Variants in GTF2F2 observed in about 807,000 individuals in gnomAD.
GTF2F2 encodes the protein general transcription factor IIF subunit 2.
A neutral mutation model predicts 42.2 loss-of-function variants in GTF2F2; 23 were observed. The ratio of observed to expected loss-of-function variants is 0.55; its 90% CI spans 0.39 to 0.77. The LOEUF (loss-of-function observed/expected upper bound fraction) is 0.77. Among genes scored for constraint, GTF2F2 ranks in the 30% least tolerant of loss-of-function variants. GTF2F2 has a pLI of 0.00. For missense variants in GTF2F2, 261 were observed against 287.2 expected, an observed-to-expected ratio of 0.91 and a Z score of 0.66; for synonymous variants, 105 against 100.8, an observed-to-expected ratio of 1.04 and a Z score of -0.25.
intron 7 of GTF2F2, among the ~76,000 whole-genome samples, chr13:45,282,073 C>T (rs1464973175): frequency 3.3e-5 from 5 of 151,968 alleles, no homozygotes; most frequent in African/African-American, 7.3e-5. Flanking sequence ...TGGTGGCATG[C>T]GCCTGTAATC....
In GTF2F2 at chr13:45,146,628, G is replaced by A. The variant is rs564320569; in HGVS notation, c.141-3142G>A. On this transcript the variant is annotated intron_variant, in intron 2 of 7. Coordinates refer to ENST00000340473, the MANE Select transcript of GTF2F2 (RefSeq NM_004128.3). ...GCCCCATTGGTACCAAATCCAAGAA[G>A]TATTTTAAAAGTGTAAGAAAAAGGA... 1.4e-4 allele frequency among the ~76,000 whole-genome samples: 22 copies of A among 152,236 alleles called. 1 individual carries two copies. The highest frequency in any genetic ancestry group is 4.6e-4 in the African/African-American group (19 of 41,534).
chr13:45,283,107 T>C (rs937380103), intron 7 of GTF2F2, among the ~76,000 whole-genome samples: 1 of 152,218 alleles, frequency 6.6e-6, no homozygotes, highest in Non-Finnish European at 1.5e-5. Context: ...ACCCTTGGTG[T>C]ACCGTGTCAC....
chr13:45,194,334 G>A lies in GTF2F2; in HGVS notation c.305-13090G>A, dbSNP rs1251102803. ...TGAAGAGGAGACCATCCCTGTCTAT[G>A]AAATAATGACCATCAGCATCAAACG... On this transcript the variant is annotated intron_variant, in intron 4 of 7. Transcript: ENST00000340473. 6.8e-6 allele frequency: 11 copies of A among 1,614,132 alleles called. No individual in the cohort carries two copies. In the East Asian group the frequency reaches 1.6e-4, roughly 23 times the overall value.
At chr13:45,204,506 CA>C (rs1487644637) in intron 4 of GTF2F2, among the ~76,000 whole-genome samples, 3 of 152,214 alleles carry the variant, frequency 2.0e-5, no homozygotes. Context: ...CTATAATTAA[CA>C]GCAGTAATGT....
At chr13:45,228,283 C>CTTTTTTTTTTT (rs372901327) in intron 5 of GTF2F2, among the ~76,000 whole-genome samples, 5,584 of 91,974 alleles carry the variant, frequency 0.061, 995 homozygotes, top group African/African-American at 0.25. Flanking sequence ...CAGAGTTAAT[C>CTTTTTTTTTTT]TTTTTTTTTT....
Position 45,120,613 on chromosome 13 carries a change from G to T in GTF2F2, c.-43G>T. The stretch of plus-strand genomic sequence containing the variant: ...CCGCTCCTCAGCCCTGCGGCTCCTG[G>T]GGTCGCTGCTGCATCCCGCACGCCT... On this transcript the variant is annotated 5_prime_UTR_variant, in exon 1 of 8. Transcript: ENST00000340473. The T allele has an allele frequency of 6.8e-7, 1 of 1,480,036 alleles. No homozygotes were observed. Among genetic ancestry groups the T allele is most frequent in the Non-Finnish European group, 9.2e-7 (1 of 1,082,898 alleles). 91.7% of individuals were successfully genotyped at this position (1,480,036 alleles called of 1,614,324 possible). A position where few individuals can be genotyped will look rare whatever the true frequency, so the allele number is the denominator to read the frequency against.
chr13:45,279,191 G>A (rs1160821277), intron 7 of GTF2F2, among the ~76,000 whole-genome samples: 2 of 152,148 alleles, frequency 1.3e-5, no homozygotes, highest in African/African-American at 4.8e-5. Flanking sequence ...GAGGAAGACT[G>A]AGTGTCTACC....
intron 6 of GTF2F2, among the ~76,000 whole-genome samples, chr13:45,254,461 A>G (rs535161170): frequency 1.3e-5 from 2 of 152,318 alleles, no homozygotes; most frequent in South Asian, 2.1e-4. Flanking sequence ...TTTATTGCAT[A>G]CATATTATGT....
At chr13:45,218,921 A>T (rs1873997077) in intron 5 of GTF2F2, among the ~76,000 whole-genome samples, 1 of 152,178 alleles carries the variant, frequency 6.6e-6, no homozygotes, top group African/African-American at 2.4e-5. Flanking sequence ...CTTGCTTGAG[A>T]CTGTAATGCA....
At chr13:45,233,501 A>G (rs374100035) in intron 5 of GTF2F2, among the ~76,000 whole-genome samples, 12 of 152,210 alleles carry the variant, frequency 7.9e-5, no homozygotes, top group African/African-American at 1.7e-4. Flanking sequence ...TCGGTTGCCA[A>G]TTGAGCATAT....
intron 5 of GTF2F2, among the ~76,000 whole-genome samples, chr13:45,245,359 T>C (rs1762743111): frequency 6.6e-6 from 1 of 151,962 alleles, no homozygotes; most frequent in Admixed American, 6.6e-5. Context: ...ATGTATAATT[T>C]CTTCAGTGGT....
chr13:45,220,526 T>C (rs997935220), intron 5 of GTF2F2, among the ~76,000 whole-genome samples: 2 of 151,990 alleles, frequency 1.3e-5, no homozygotes, highest in African/African-American at 2.4e-5. Context: ...CATATAAGTA[T>C]CAGTAGACTT....
chr13:45,161,209 T>G (rs1022885949), intron 4 of GTF2F2, among the ~76,000 whole-genome samples: 3 of 152,194 alleles, frequency 2.0e-5, no homozygotes, highest in Non-Finnish European at 2.9e-5. Flanking sequence ...TTTGTGGTGG[T>G]ACCAGTAGCC....
At chr13:45,252,216 C>T (rs796447611) in intron 5 of GTF2F2, among the ~76,000 whole-genome samples, 5 of 152,308 alleles carry the variant, frequency 3.3e-5, no homozygotes, top group African/African-American at 9.6e-5. Flanking sequence ...AGTCACAGCT[C>T]ACTGTGGCCT....
intron 6 of GTF2F2, among the ~76,000 whole-genome samples, chr13:45,259,711 G>T (rs774377849): frequency 8.0e-6 from 1 of 125,202 alleles, no homozygotes; most frequent in Non-Finnish European, 1.6e-5. Flanking sequence ...AGGCTGGAGT[G>T]CAGTGGCACA....
chr13:45,145,845 C>T (rs184084997), intron 2 of GTF2F2, among the ~76,000 whole-genome samples: 96 of 152,316 alleles, frequency 6.3e-4, no homozygotes, highest in African/African-American at 2.1e-3. Flanking sequence ...ACCCTCCTCA[C>T]CCTGTTCAGG....
At chr13:45,176,034 G>A (rs889536056) in intron 4 of GTF2F2, among the ~76,000 whole-genome samples, 8 of 152,138 alleles carry the variant, frequency 5.3e-5, no homozygotes, top group African/African-American at 1.7e-4. Context: ...GATCCACGTT[G>A]TATATAGCAG....
Position 45,272,771 on chromosome 13 carries a change from C to CA in GTF2F2, c.630+5395_630+5396insA, listed in dbSNP as rs202067970. Among the ~76,000 whole-genome samples, 10 of 146,816 alleles carry CA rather than the reference C, an allele frequency of 6.8e-5. No individual in the cohort carries two copies. In the South Asian group the frequency reaches 2.2e-3, roughly 32 times the overall value. ...AATAAATAATAAAGAGACAAGGTCT[C>CA]CTGCTGCCACCCAGGCTGGAGTGCT... On this transcript the variant is annotated intron_variant, in intron 7 of 7. Coordinates refer to ENST00000340473, the MANE Select transcript of GTF2F2 (RefSeq NM_004128.3).
At chr13:45,190,765 T>A (rs1872583564) in intron 4 of GTF2F2, among the ~76,000 whole-genome samples, 1 of 151,940 alleles carries the variant, frequency 6.6e-6, no homozygotes, top group Non-Finnish European at 1.5e-5. Context: ...GTTTTTGTTT[T>A]TTTTGAGACA....
Sources: gnomAD v4.1 joint callset for allele counts (sites outside exome capture counted in the v4.1 genomes callset) on GRCh38, gnomAD v4.1.1 for gene constraint, MANE v1.5 for transcripts, NCBI Gene and HGNC (gene_info 2026-07-23, HGNC 2026-07-21) for gene names.